MINK1: variants seen among roughly 807,000 people sequenced by gnomAD.
MINK1 encodes the protein misshapen-like kinase 1.
A neutral mutation model predicts 178.4 loss-of-function variants in MINK1; 46 were observed. That is an observed-to-expected ratio of 0.26 (90% confidence interval 0.20 to 0.33). The LOEUF is 0.33. MINK1 is among the 10% of genes least tolerant of loss of function. The pLI is 1.00. For missense variants in MINK1, 1,366 were observed against 1,814.9 expected, an observed-to-expected ratio of 0.75 and a Z score of 4.49; for synonymous variants, 797 against 709.7, an observed-to-expected ratio of 1.12 and a Z score of -1.96.
In MINK1 at chr17:4,836,200, G is replaced by C. The variant is rs1238102667; in HGVS notation, c.57+2560G>C. 6.6e-6 allele frequency among the ~76,000 whole-genome samples: 1 copy of C among 152,184 alleles called. No individual in the cohort carries two copies. Among genetic ancestry groups the C allele is most frequent in the Admixed American group, 6.5e-5 (1 of 15,278 alleles). On this transcript the variant is annotated intron_variant, in intron 1 of 31. Transcript: ENST00000355280. This position sits in a 1 kb window ranked among gnomAD's most constrained non-coding sequence, Gnocchi z 4.3. ...TCTTGTGTTGGGGGCTGGGGAGAGGGATGGGAGAGGAACATATTCAGTATT... is the reference window on the plus strand; with the variant it reads ...TCTTGTGTTGGGGGCTGGGGAGAGGCATGGGAGAGGAACATATTCAGTATT...
intron 1 of MINK1, among the ~76,000 whole-genome samples, chr17:4,874,276 G>A (rs191614129): frequency 2.3e-4 from 35 of 152,290 alleles, no homozygotes; most frequent in Admixed American, 2.2e-3. Flanking sequence ...AATGAGATAC[G>A]ATTGCCTTAC....
In MINK1 at chr17:4,833,604, C is replaced by A. The variant is rs1013143276; in HGVS notation, c.21C>A (p.Ala7=). The A allele has an allele frequency of 6.7e-6, 10 of 1,501,230 alleles. No homozygotes were observed. The highest frequency in any genetic ancestry group is 8.8e-6 in the Non-Finnish European group (10 of 1,131,758). The allele number at this position is 1,501,230 out of a possible 1,614,324, so 93.0% of individuals were successfully genotyped here. A position where few individuals can be genotyped will look rare whatever the true frequency, so the allele number is the denominator to read the frequency against. The change falls in exon 1 of 32, where the codon GCC becomes GCA. Residue 7 remains alanine, a synonymous_variant. Transcript: ENST00000355280. The surrounding 1 kb of genome is among the most constrained non-coding windows in gnomAD (Gnocchi z 4.8). ...AGGCCATGGGCGACCCAGCCCCCGC[C>A]CGCAGCCTGGACGACATCGACCTGT... MGDPAP[A]RSLDDIDLSA... is the part of the protein sequence containing the mutation.
intron 1 of MINK1, among the ~76,000 whole-genome samples, chr17:4,877,983 T>G (rs1967341210): frequency 6.6e-6 from 1 of 152,058 alleles, no homozygotes; most frequent in African/African-American, 2.4e-5. Context: ...GCTAATTTTT[T>G]GTATTTTTAG....
At position 4,851,017 on chromosome 17, in the gene MINK1, A is replaced by ACAGATCTG. The variant is rs1159186592; in HGVS notation, c.57+17378_57+17385dup. 9 of 458,246 alleles carry ACAGATCTG rather than the reference A, an allele frequency of 2.0e-5. No homozygotes were observed. The East Asian group carries it at 6.2e-4, about 32-fold the overall frequency. The allele number at this position is 458,246 out of a possible 1,614,324, so 28.4% of individuals were successfully genotyped here. ...CCCCTGTCAGCCTGCCTCCGAGGCC[A>ACAGATCTG]CAGATCTGGTTTTCCTCCCTTCTGT... On this transcript the variant is annotated intron_variant, in intron 1 of 31. Coordinates refer to ENST00000355280, the MANE Select transcript of MINK1 (RefSeq NM_153827.5).
At chr17:4,855,558 G>A (rs1912957919) in intron 1 of MINK1, among the ~76,000 whole-genome samples, 1 of 149,146 alleles carries the variant, frequency 6.7e-6, no homozygotes. Context: ...CGAGGCGGGC[G>A]GATCATGAGG....
Position 4,887,077 on chromosome 17 carries a change from G to T in MINK1, c.950-33G>T, listed in dbSNP as rs1211493549. The stretch of plus-strand genomic sequence containing the variant: ...TAGCCCACGGCGGGTCTGGGGCGCT[G>T]GGTGAGATAACTGCAGTGGCCTCCC... On this transcript the variant is annotated intron_variant, in intron 10 of 31. Transcript: ENST00000355280. This position sits in a 1 kb window ranked among gnomAD's most constrained non-coding sequence, Gnocchi z 7.6. 1 of 1,561,274 alleles carries T rather than the reference G, an allele frequency of 6.4e-7. No individual in the cohort carries two copies. The highest frequency in any genetic ancestry group is 8.7e-7 in the Non-Finnish European group (1 of 1,151,958).
intron 1 of MINK1, among the ~76,000 whole-genome samples, chr17:4,856,210 T>A (rs768768962): frequency 2.0e-4 from 31 of 152,150 alleles, no homozygotes; most frequent in Non-Finnish European, 3.8e-4. Flanking sequence ...ACCTGCTTCC[T>A]AGTTGGCTCT....
intron 2 of MINK1, among the ~76,000 whole-genome samples, chr17:4,879,270 G>T (rs1389627688): frequency 6.6e-6 from 1 of 152,212 alleles, no homozygotes; most frequent in Non-Finnish European, 1.5e-5. Flanking sequence ...AGCTGCTCCA[G>T]CAGGGAGGGA....
At chr17:4,876,685 G>T (rs1273970571) in intron 1 of MINK1, among the ~76,000 whole-genome samples, 1 of 152,006 alleles carries the variant, frequency 6.6e-6, no homozygotes, top group Non-Finnish European at 1.5e-5. Flanking sequence ...CAGAGGCCAC[G>T]TGTTGCCTGG....
chr17:4,860,340 G>A (rs773174009), intron 1 of MINK1, among the ~76,000 whole-genome samples: 7 of 152,146 alleles, frequency 4.6e-5, no homozygotes, highest in Non-Finnish European at 8.8e-5. Flanking sequence ...ACTGACGGGG[G>A]TTTCACCTTC....
intron 1 of MINK1, among the ~76,000 whole-genome samples, chr17:4,861,510 T>G (rs1016356440): frequency 2.0e-5 from 3 of 152,180 alleles, no homozygotes; most frequent in African/African-American, 7.2e-5. Context: ...TTTATTTATT[T>G]ATTTTTTTGA....
Position 4,891,580 on chromosome 17 carries a change from C to A in MINK1, c.1865C>A (p.Ala622Asp). 6.2e-7 allele frequency: 1 copy of A among 1,605,964 alleles called. No individual in the cohort carries two copies. The change falls in exon 16 of 32, where the codon GCC becomes GAC. Residue 622 changes from alanine (A) to aspartate (D), a missense_variant. Around this residue, in one of 14 missense-constraint regions of MINK1, gnomAD observed 709 missense variants for 692.3 expected, o/e 1.02. Coordinates refer to ENST00000355280, the MANE Select transcript of MINK1 (RefSeq NM_153827.5). ...AFPASHDPDP[A>D]IPAPTATPSA... is the part of the protein sequence containing the mutation. ...CCAGCCTCCCATGACCCCGACCCTG[C>A]CATCCCCGCACCCACTGCCACGCCC...
rs776244090 is a variant in MINK1 at position 4,892,810 on chromosome 17, G to T, written c.2311+42G>T. 4 of 1,540,068 alleles carry T rather than the reference G, an allele frequency of 2.6e-6. No individual in the cohort carries two copies. The East Asian group carries it at 9.2e-5, about 35-fold the overall frequency. On this transcript the variant is annotated intron_variant, in intron 19 of 31. Transcript: ENST00000355280. Reference sequence around the variant, plus strand: ...TGGGCAGCCTGCTCTGGGCCTGGGGGCTTATCACCATGGACCCTGCCTTTG... The same window carrying T: ...TGGGCAGCCTGCTCTGGGCCTGGGGTCTTATCACCATGGACCCTGCCTTTG...
chr17:4,858,128 G>A (rs1913495227), intron 1 of MINK1, among the ~76,000 whole-genome samples: 1 of 152,168 alleles, frequency 6.6e-6, no homozygotes, highest in African/African-American at 2.4e-5. Context: ...CACTTAGATT[G>A]TTGGTGTTTT....
At chr17:4,889,851 TC>T in intron 13 of MINK1, 88 bp downstream of exon 13, 2 of 851,666 alleles carry the variant, frequency 2.3e-6, no homozygotes, top group Non-Finnish European at 3.4e-6. Flanking sequence ...CCCCCTTCTC[TC>T]CCCCACCCCC....
intron 15 of MINK1, 151 bp from the exon 16 acceptor site, chr17:4,891,305 G>T: frequency 2.4e-6 from 3 of 1,241,280 alleles, no homozygotes; most frequent in Non-Finnish European, 3.3e-6. Flanking sequence ...GCCTGTGTCT[G>T]TCCTGACTTA....
chr17:4,868,277 C>G (rs1230580262), intron 1 of MINK1, among the ~76,000 whole-genome samples: 2 of 152,078 alleles, frequency 1.3e-5, no homozygotes, highest in African/African-American at 4.8e-5. Context: ...GTGCCCAACC[C>G]TCTTCTAGCT....
chr17:4,868,405 C>T (rs1359760701), intron 1 of MINK1, among the ~76,000 whole-genome samples: 13 of 152,198 alleles, frequency 8.5e-5, no homozygotes, highest in Admixed American at 8.5e-4. Flanking sequence ...TAACCAGCCT[C>T]TCTTCATCCC....
Position 4,896,538 on chromosome 17 carries a change from G to A in MINK1, c.3725G>A (p.Arg1242His), listed in dbSNP as rs765172078. ...GGTGTCTACGTCAACACGTACGGGCGCATCATTAAGGATGTGGTGCTGCAG... is the reference window on the plus strand; with the variant it reads ...GGTGTCTACGTCAACACGTACGGGCACATCATTAAGGATGTGGTGCTGCAG... ...DEGVYVNTYG[R>H]IIKDVVLQWG... Residue 1242 changes from arginine (R) to histidine (H), a missense_variant, in exon 30 of 32, where the codon CGC (arginine) becomes CAC (histidine). Physicochemically the swap from Arg to His is conservative, Grantham distance 29. Coordinates refer to ENST00000355280, the MANE Select transcript of MINK1 (RefSeq NM_153827.5). This position sits in a 1 kb window ranked among gnomAD's most constrained non-coding sequence, Gnocchi z 4.6. 2.7e-5 allele frequency: 44 copies of A among 1,613,824 alleles called. No homozygotes were observed. The highest frequency in any genetic ancestry group is 1.6e-4 in the East Asian group (7 of 44,896).
Sources: allele counts gnomAD v4.1 joint callset (sites outside exome capture counted in the v4.1 genomes callset), GRCh38; gene constraint gnomAD v4.1.1; regional missense constraint gnomAD v4.1.1; non-coding constraint Gnocchi (gnomAD v3.1); transcripts MANE v1.5; gene names NCBI Gene and HGNC (gene_info 2026-07-23, HGNC 2026-07-21).